The following GUCY1A2 variants were observed in gnomAD, a reference collection of about 807,000 sequenced individuals.
GUCY1A2 encodes guanylate cyclase soluble subunit alpha-2.
A neutral mutation model predicts 63.5 loss-of-function variants in GUCY1A2; 27 were observed. The ratio of observed to expected loss-of-function variants is 0.43; its 90% CI spans 0.31 to 0.59. The LOEUF is 0.59. GUCY1A2 is among the 20% of genes least tolerant of loss of function. The probability of loss-of-function intolerance (pLI) is 0.11; values close to 1 mark genes in which losing one functional copy is unlikely to be tolerated. For synonymous variants in GUCY1A2, 364 were observed against 343.5 expected, an observed-to-expected ratio of 1.06 and a Z score of -0.66; for missense variants, 768 against 913.3, an observed-to-expected ratio of 0.84 and a Z score of 2.05.
intron 3 of GUCY1A2, among the ~76,000 whole-genome samples, chr11:106,959,346 CTCTTT>C (rs1861030588): frequency 6.6e-6 from 1 of 152,126 alleles, no homozygotes; most frequent in South Asian, 2.1e-4. Flanking sequence ...CTCATGGCTT[CTCTTT>C]TCTTTTGTAA....
At chr11:106,973,720 T>A (rs1861226018) in intron 3 of GUCY1A2, among the ~76,000 whole-genome samples, 1 of 152,116 alleles carries the variant, frequency 6.6e-6, no homozygotes, top group Non-Finnish European at 1.5e-5. Flanking sequence ...GCTTGTTAAC[T>A]CTGACCAAAG....
rs550421386 is a variant in GUCY1A2 at position 106,829,471 on chromosome 11, G to C, written c.1207-18993C>G. On this transcript the variant is annotated intron_variant, in intron 4 of 7. Coordinates refer to ENST00000526355, the MANE Select transcript of GUCY1A2 (RefSeq NM_000855.3). ...GATCACATGGTCTCTCAGGGTCTTAGCATCCTCATTTGTAAGACTGGGATA... is the reference window on the plus strand; with the variant it reads ...GATCACATGGTCTCTCAGGGTCTTACCATCCTCATTTGTAAGACTGGGATA... 6.6e-5 allele frequency among the ~76,000 whole-genome samples: 10 copies of C among 152,272 alleles called. No individual in the cohort carries two copies. In the South Asian group the frequency reaches 2.1e-3, roughly 32 times the overall value.
At position 106,705,325 on chromosome 11, in the gene GUCY1A2, T is replaced by C. The variant is rs528993318; in HGVS notation, c.1991+3187A>G. Among the ~76,000 whole-genome samples, 6 of 152,212 alleles carry C rather than the reference T, an allele frequency of 3.9e-5. 1 individual carries two copies. The highest frequency in any genetic ancestry group is 1.4e-4 in the African/African-American group (6 of 41,528). On this transcript the variant is annotated intron_variant, in intron 7 of 7. Transcript: ENST00000526355. ...ACACATAGGAATAAACTGATTACTA[T>C]CTCAGCTTTTAGTTACAGCTCAAAA...
In GUCY1A2 at chr11:106,826,930, T is replaced by G. The variant is rs368816836; in HGVS notation, c.1207-16452A>C. The G allele has an allele frequency of 1.2e-5, 19 of 1,610,080 alleles. No homozygotes were observed. The African/African-American group carries it at 2.1e-4, about 18-fold the overall frequency. On this transcript the variant is annotated intron_variant, in intron 4 of 7. Coordinates refer to ENST00000526355, the MANE Select transcript of GUCY1A2 (RefSeq NM_000855.3). The stretch of plus-strand genomic sequence containing the variant: ...GTTACCATGGAGAAAAGGTTCTATA[T>G]TCGGTGTAACTCCTGTAGCACTGAC...
chr11:106,956,291 C>T (rs376556372), intron 3 of GUCY1A2, among the ~76,000 whole-genome samples: 2 of 152,110 alleles, frequency 1.3e-5, no homozygotes, highest in Admixed American at 6.5e-5. Flanking sequence ...GTCAATCCGT[C>T]CATCTGATCC....
chr11:106,805,740 G>A (rs1467957740), intron 5 of GUCY1A2, among the ~76,000 whole-genome samples: 4 of 152,138 alleles, frequency 2.6e-5, no homozygotes. Flanking sequence ...CTAACAAAGA[G>A]AAAAGATGGC....
At chr11:106,963,541 G>C (rs1382907793) in intron 3 of GUCY1A2, among the ~76,000 whole-genome samples, 1 of 152,178 alleles carries the variant, frequency 6.6e-6, no homozygotes, top group Non-Finnish European at 1.5e-5. Flanking sequence ...CCTGCAATAG[G>C]AGATAAACAG....
intron 4 of GUCY1A2, among the ~76,000 whole-genome samples, chr11:106,836,266 A>G (rs1037169629): frequency 6.6e-6 from 1 of 152,004 alleles, no homozygotes; most frequent in Admixed American, 6.6e-5. Flanking sequence ...CCAATATCAT[A>G]AACAGTTGAT....
chr11:106,715,341 C>G (rs1360759959), intron 6 of GUCY1A2, among the ~76,000 whole-genome samples: 1 of 152,132 alleles, frequency 6.6e-6, no homozygotes, highest in Admixed American at 6.6e-5. Flanking sequence ...CCAGCTCCCT[C>G]ATTTTACAAA....
At chr11:106,856,670 G>A (rs1218925404) in intron 4 of GUCY1A2, among the ~76,000 whole-genome samples, 1 of 152,162 alleles carries the variant, frequency 6.6e-6, no homozygotes, top group Admixed American at 6.5e-5. Flanking sequence ...TTAAGTGTCT[G>A]AGAAGCAAGA....
intron 4 of GUCY1A2, chr11:106,827,175 A>C (rs7128654): frequency 0.011 from 17,093 of 1,500,364 alleles, 125 homozygotes; most frequent in Admixed American, 0.015. Context: ...TCAAGCCTTC[A>C]TGCCAATCTG....
At chr11:106,723,403 T>G (rs1280996436) in intron 6 of GUCY1A2, among the ~76,000 whole-genome samples, 1 of 152,248 alleles carries the variant, frequency 6.6e-6, no homozygotes, top group Non-Finnish European at 1.5e-5. Context: ...TTTTGTTTTG[T>G]TTTCATTACC....
intron 7 of GUCY1A2, among the ~76,000 whole-genome samples, chr11:106,697,852 TC>T (rs1331702118): frequency 1.3e-5 from 2 of 152,162 alleles, no homozygotes; most frequent in Admixed American, 1.3e-4. Flanking sequence ...TAAAGTTTTT[TC>T]ATACCTTCTA....
intron 4 of GUCY1A2, among the ~76,000 whole-genome samples, chr11:106,840,202 A>G (rs1277043024): frequency 2.0e-5 from 3 of 151,926 alleles, no homozygotes; most frequent in African/African-American, 7.2e-5. Context: ...TTGGAAGAAA[A>G]GAAGCACTAT....
intron 4 of GUCY1A2, among the ~76,000 whole-genome samples, chr11:106,859,673 T>A (rs183765496): frequency 6.6e-6 from 1 of 152,086 alleles, no homozygotes; most frequent in East Asian, 1.9e-4. Context: ...CTAACAATGT[T>A]CCAGTCAATG....
chr11:106,914,052 G>C (rs1218458819), intron 4 of GUCY1A2, among the ~76,000 whole-genome samples: 1 of 151,438 alleles, frequency 6.6e-6, no homozygotes, highest in Non-Finnish European at 1.5e-5. Context: ...GGGAGGCAGG[G>C]AGGGAAGGAG....
intron 6 of GUCY1A2, among the ~76,000 whole-genome samples, chr11:106,736,525 T>C (rs1378775536): frequency 6.6e-6 from 1 of 152,200 alleles, no homozygotes; most frequent in African/African-American, 2.4e-5. Context: ...GCTGTTTTGG[T>C]TACCATAGCT....
chr11:106,798,458 C>CA (rs955672603), intron 5 of GUCY1A2, among the ~76,000 whole-genome samples: 6 of 152,068 alleles, frequency 3.9e-5, no homozygotes, highest in South Asian at 2.1e-4. Flanking sequence ...AAAAACACAA[C>CA]AAAAAAAGAG....
rs1272523806 is a variant in GUCY1A2 at position 107,011,030 on chromosome 11, C to T, written c.303+6723G>A. Among the ~76,000 whole-genome samples, 6 of 152,098 alleles carry T rather than the reference C, an allele frequency of 3.9e-5. No homozygotes were observed. The East Asian group carries it at 5.8e-4, about 15-fold the overall frequency. On this transcript the variant is annotated intron_variant, in intron 1 of 7. Coordinates refer to ENST00000526355, the MANE Select transcript of GUCY1A2 (RefSeq NM_000855.3). The stretch of plus-strand genomic sequence containing the variant: ...CAGGCGTCAACCACTGCGCCTGGCC[C>T]TCCTAAGCATTTTATTGAACAACCA...
Sources: allele counts gnomAD v4.1 joint callset (sites outside exome capture counted in the v4.1 genomes callset), GRCh38; gene constraint gnomAD v4.1.1; transcripts MANE v1.5; gene names NCBI Gene and HGNC (gene_info 2026-07-23, HGNC 2026-07-21).